The following ZNF618 variants were observed in gnomAD, a reference collection of about 807,000 sequenced individuals.
The protein encoded by ZNF618 is zinc finger protein 618.
A neutral mutation model predicts 103.0 loss-of-function variants in ZNF618; 34 were observed. The observed-to-expected ratio is 0.33, with a 90% CI of 0.25 to 0.44. The LOEUF is 0.44. ZNF618 is among the 20% of genes least tolerant of loss of function. ZNF618 has a pLI of 1.00. For missense variants in ZNF618, 1,059 were observed against 1,295.4 expected, an observed-to-expected ratio of 0.82 and a Z score of 2.80; for synonymous variants, 551 against 542.2, an observed-to-expected ratio of 1.02 and a Z score of -0.23.
At chr9:113,997,044 T>TTC (rs964647659) in intron 3 of ZNF618, among the ~76,000 whole-genome samples, 1 of 140,596 alleles carries the variant, frequency 7.1e-6, no homozygotes, top group African/African-American at 2.5e-5. Flanking sequence ...CTGGTAAAGG[T>TTC]TCTCTCTCTC....
intron 1 of ZNF618, among the ~76,000 whole-genome samples, chr9:113,961,492 T>G (rs760337003): frequency 2.0e-5 from 3 of 152,246 alleles, no homozygotes; most frequent in Non-Finnish European, 4.4e-5. Context: ...TAAATATTTA[T>G]GGAAAAATGG....
chr9:114,019,475 C>T (rs1355161621), intron 10 of ZNF618, among the ~76,000 whole-genome samples: 1 of 152,202 alleles, frequency 6.6e-6, no homozygotes, highest in African/African-American at 2.4e-5. Flanking sequence ...CTGTGAGTTC[C>T]ACTTGCTCCA....
intron 1 of ZNF618, among the ~76,000 whole-genome samples, chr9:113,904,634 T>C (rs1830828861): frequency 6.6e-6 from 1 of 152,258 alleles, no homozygotes; most frequent in South Asian, 2.1e-4. Flanking sequence ...TTTATTGTCT[T>C]GTAATTCTGG....
chr9:114,006,562 C>T (rs901798060), intron 6 of ZNF618, among the ~76,000 whole-genome samples: 1 of 152,212 alleles, frequency 6.6e-6, no homozygotes, highest in East Asian at 1.9e-4. Context: ...CAAACTCCAA[C>T]CTCATGTTAG....
chr9:113,877,311 ATTG>A (rs1240478256), intron 1 of ZNF618, among the ~76,000 whole-genome samples: 1 of 152,190 alleles, frequency 6.6e-6, no homozygotes, highest in Non-Finnish European at 1.5e-5. Context: ...AAGGAGGGAA[ATTG>A]TTGAGTTTAG....
intron 2 of ZNF618, among the ~76,000 whole-genome samples, chr9:113,973,265 G>A (rs1341311715): frequency 6.6e-6 from 1 of 152,180 alleles, no homozygotes; most frequent in Non-Finnish European, 1.5e-5. Flanking sequence ...ACGGCTCTGA[G>A]CAGAATGACC....
At chr9:113,923,000 G>A (rs375771183) in intron 1 of ZNF618, among the ~76,000 whole-genome samples, 4 of 151,792 alleles carry the variant, frequency 2.6e-5, no homozygotes, top group South Asian at 2.1e-4. Flanking sequence ...GTAGTTTTCC[G>A]TGGATATCCT....
intron 1 of ZNF618, among the ~76,000 whole-genome samples, chr9:113,881,963 T>G (rs1828570180): frequency 1.3e-5 from 2 of 151,936 alleles, no homozygotes; most frequent in Admixed American, 1.3e-4. Flanking sequence ...AGTCAAGGAG[T>G]GTGAGTCCGG....
rs987156241 is a variant in ZNF618, at chr9:114,049,616, A to G, written c.2314A>G (p.Thr772Ala). The change falls in exon 15 of 15, where the codon ACG becomes GCG. Residue 772 changes from threonine to alanine, a missense_variant. Physicochemically the swap from Thr to Ala is moderately conservative, Grantham distance 58. Coordinates refer to ENST00000374126, the MANE Select transcript of ZNF618 (RefSeq NM_001318042.2). ...PTYVRLEKLF[T>A]AKANDAGTVS... ...CTACGTCAGGCTGGAGAAGCTGTTC[A>G]CGGCCAAGGCCAACGACGCAGGCAC... The G allele has an allele frequency of 1.2e-6, 2 of 1,613,830 alleles. No individual in the cohort carries two copies. The highest frequency in any genetic ancestry group is 1.7e-6 in the Non-Finnish European group (2 of 1,179,904).
chr9:113,877,822 T>A (rs375039085), intron 1 of ZNF618, among the ~76,000 whole-genome samples: 1 of 152,254 alleles, frequency 6.6e-6, no homozygotes, highest in African/African-American at 2.4e-5. Flanking sequence ...ATTATACAAA[T>A]TGAGTAGCCC....
At position 114,053,360 on chromosome 9, in the gene ZNF618, T is replaced by C. The variant is rs1013797048; in HGVS notation, c.*3193T>C. ...CCCAGTTCTGGGTCCACTGTAGGTCTTTCCATCACAAGCCTTTGGGGGATC... is the reference window on the plus strand; with the variant it reads ...CCCAGTTCTGGGTCCACTGTAGGTCCTTCCATCACAAGCCTTTGGGGGATC... On this transcript the variant is annotated 3_prime_UTR_variant, in exon 15 of 15. Coordinates refer to ENST00000374126, the MANE Select transcript of ZNF618 (RefSeq NM_001318042.2). 3.9e-5 allele frequency: 6 copies of C among 152,398 alleles called. No homozygotes were observed. Among genetic ancestry groups the C allele is most frequent in the Admixed American group, 2.6e-4 (4 of 15,286 alleles). The allele number at this position is 152,398 out of a possible 1,614,324, so 9.4% of individuals were successfully genotyped here.
At chr9:113,995,207 C>T (rs553015117) in intron 3 of ZNF618, among the ~76,000 whole-genome samples, 3 of 151,004 alleles carry the variant, frequency 2.0e-5, no homozygotes, top group Admixed American at 6.6e-5. Flanking sequence ...CACTCATCAC[C>T]ATAACAAGAT....
intron 1 of ZNF618, among the ~76,000 whole-genome samples, chr9:113,933,981 G>A (rs1833828994): frequency 6.6e-6 from 1 of 152,064 alleles, no homozygotes; most frequent in African/African-American, 2.4e-5. Context: ...CATTGCTAAG[G>A]ACAAGGTCTA....
At chr9:114,034,856 G>A (rs1844441307) in intron 12 of ZNF618, among the ~76,000 whole-genome samples, 1 of 152,196 alleles carries the variant, frequency 6.6e-6, no homozygotes, top group Admixed American at 6.5e-5. Flanking sequence ...CCAGCTCCCT[G>A]TCCTGAAGTG....
At chr9:113,911,528 C>G (rs1203949477) in intron 1 of ZNF618, among the ~76,000 whole-genome samples, 1 of 151,788 alleles carries the variant, frequency 6.6e-6, no homozygotes, top group Non-Finnish European at 1.5e-5. Flanking sequence ...GGGGTTTCAC[C>G]GTGTTATCTA....
intron 7 of ZNF618, 103 bp from the exon 8 acceptor site, chr9:114,008,241 G>C (rs978542141): frequency 2.0e-6 from 3 of 1,517,922 alleles, no homozygotes; most frequent in African/African-American, 2.7e-5. Context: ...AACCCATGGG[G>C]ATAGGGGCTG....
chr9:113,935,504 G>C (rs1347645297), intron 1 of ZNF618, among the ~76,000 whole-genome samples: 7 of 152,286 alleles, frequency 4.6e-5, no homozygotes, highest in African/African-American at 1.2e-4. Flanking sequence ...CATGTGCTGT[G>C]CTCAGAGCGT....
At chr9:113,972,887 C>T (rs150281414) in intron 2 of ZNF618, among the ~76,000 whole-genome samples, 289 of 152,132 alleles carry the variant, frequency 1.9e-3, no homozygotes, top group African/African-American at 6.1e-3. Context: ...GCCAACATGG[C>T]GAAACCCTGT....
At chr9:114,024,510 A>G (rs987872304) in intron 10 of ZNF618, among the ~76,000 whole-genome samples, 1 of 152,120 alleles carries the variant, frequency 6.6e-6, no homozygotes, top group African/African-American at 2.4e-5. Context: ...TTCCAAATCA[A>G]CTCAATACTT....
Sources: gnomAD v4.1 joint callset for allele counts (sites outside exome capture counted in the v4.1 genomes callset) on GRCh38, gnomAD v4.1.1 for gene constraint, MANE v1.5 for transcripts, NCBI Gene and HGNC (gene_info 2026-07-23, HGNC 2026-07-21) for gene names.